The following YLPM1 variants were observed in gnomAD, a reference collection of about 807,000 sequenced individuals.
YLPM1 encodes YLP motif containing 1.
YLPM1 carries 99 observed loss-of-function variants against 230.0 expected under a neutral mutation model. The observed-to-expected ratio is 0.43, with a 90% CI of 0.37 to 0.51. YLPM1 has a LOEUF of 0.51. Among genes scored for constraint, YLPM1 ranks in the 20% least tolerant of loss-of-function variants. The pLI, the probability that YLPM1 is intolerant of heterozygous loss-of-function variation, is 0.00. For missense variants in YLPM1, 2,592 were observed against 2,707.7 expected, an observed-to-expected ratio of 0.96 and a Z score of 0.95; for synonymous variants, 984 against 942.5, an observed-to-expected ratio of 1.04 and a Z score of -0.81.
At position 74,809,530 on chromosome 14, in the gene YLPM1, C is replaced by T. The variant is rs763560223; in HGVS notation, c.4672C>T (p.Pro1558Ser). ...PPPPPPPLPP[P>S]PPVIKPQTSA... is the part of the protein sequence containing the mutation. The stretch of plus-strand genomic sequence containing the variant: ...TCCACCTCCTCCACCTCTACCTCCT[C>T]CTCCTCCAGTGATAAAGCCACAAAC... The change falls in exon 7 of 21, where the codon CCT becomes TCT. Residue 1558 changes from proline to serine, a missense_variant. Around this residue, in one of 4 missense-constraint regions of YLPM1, gnomAD observed 403 missense variants for 426.7 expected, o/e 0.94. Coordinates refer to ENST00000325680, the MANE Select transcript of YLPM1 (RefSeq NM_019589.3). The T allele has an allele frequency of 1.9e-6, 3 of 1,592,424 alleles. No homozygotes were observed. The South Asian group carries it at 3.4e-5, about 18-fold the overall frequency.
rs2091292245 is a variant in YLPM1 at position 74,798,793 on chromosome 14, A to G, written c.3496A>G (p.Arg1166Gly). The G allele has an allele frequency of 1.9e-6, 3 of 1,613,976 alleles. No homozygotes were observed. Among genetic ancestry groups the G allele is most frequent in the African/African-American group, 1.3e-5 (1 of 75,038 alleles). Reference protein sequence around the residue: ...GLGRSDFGRDRGPFRPEPGDG... With the variant: ...GLGRSDFGRDGGPFRPEPGDG... ...GGGAAGATCAGATTTTGGTCGTGAT[A>G]GAGGTCCATTCAGACCAGAACCAGG... The change falls in exon 5 of 21, where the codon AGA becomes GGA. Residue 1166 changes from arginine to glycine, a missense_variant. This residue lies in a region of YLPM1 where 1,862 missense variants were observed against 1,819.8 expected (regional missense o/e 1.02). Transcript: ENST00000325680.
intron 1 of YLPM1, among the ~76,000 whole-genome samples, chr14:74,773,627 T>C (rs1363988137): frequency 2.6e-5 from 4 of 152,022 alleles, no homozygotes; most frequent in Non-Finnish European, 4.4e-5. Flanking sequence ...GTTTTCAGTA[T>C]TAAAATAATG....
Position 74,817,042 on chromosome 14 carries a change from G to T in YLPM1, c.5797G>T (p.Ala1933Ser), listed in dbSNP as rs1188077047. 6.2e-7 allele frequency: 1 copy of T among 1,611,850 alleles called. No homozygotes were observed. Among genetic ancestry groups the T allele is most frequent in the East Asian group, 2.2e-5 (1 of 44,836 alleles). Residue 1933 changes from alanine to serine, a missense_variant, in exon 14 of 21, where the codon GCC becomes TCC. Transcript: ENST00000325680. The stretch of plus-strand genomic sequence containing the variant: ...CTTTTTTCCCTTCATCATCCTGGAT[G>T]CCATCAATGACAGAGTTAGGCATTT... ...DGFFPFIILD[A>S]INDRVRHFDQ...
Position 74,798,822 on chromosome 14 carries a change from T to C in YLPM1, c.3525T>C (p.Asp1175=), listed in dbSNP as rs1450375167. The C allele has an allele frequency of 6.2e-7, 1 of 1,613,628 alleles. No individual in the cohort carries two copies. Among genetic ancestry groups the C allele is most frequent in the Non-Finnish European group, 8.5e-7 (1 of 1,179,840 alleles). ...GTCCATTCAGACCAGAACCAGGAGA[T>C]GGTGGGGAAAAAATGTATCCATATC... is the stretch of plus-strand genomic sequence containing the variant. ...DRGPFRPEPG[D]GGEKMYPYHR... is the part of the protein sequence containing the mutation. The change falls in exon 5 of 21, where the codon GAT becomes GAC. Residue 1175 remains aspartate (D), a synonymous_variant. Transcript: ENST00000325680.
In YLPM1 at chr14:74,776,889, C is replaced by T. The variant is rs371154729; in HGVS notation, c.874-1558C>T. ...GCCTGGGCAACATGGTGAAACTTGT[C>T]TCTACAAAAAATACAAAAATTATCC... On this transcript the variant is annotated intron_variant, in intron 1 of 20. Transcript: ENST00000325680. Among the ~76,000 whole-genome samples the T allele has an allele frequency of 3.3e-5, 5 of 151,900 alleles. 1 individual carries two copies. The highest frequency in any genetic ancestry group is 1.2e-4 in the African/African-American group (5 of 41,418).
intron 4 of YLPM1, among the ~76,000 whole-genome samples, chr14:74,793,626 T>A (rs925716909): frequency 6.6e-6 from 1 of 152,220 alleles, no homozygotes; most frequent in African/African-American, 2.4e-5. Flanking sequence ...GACGTGTTCC[T>A]CAAATATCTA....
chr14:74,773,711 C>CT (rs766885242), intron 1 of YLPM1, among the ~76,000 whole-genome samples: 1,751 of 60,602 alleles, frequency 0.029, 308 homozygotes, highest in African/African-American at 0.065. Context: ...TGTTTTCTTT[C>CT]TTTTTTTTTT....
At chr14:74,777,617 A>C (rs983182528) in intron 1 of YLPM1, among the ~76,000 whole-genome samples, 1 of 152,100 alleles carries the variant, frequency 6.6e-6, no homozygotes, top group Non-Finnish European at 1.5e-5. Context: ...ATGTGTGTAC[A>C]GCATATTCTC....
chr14:74,766,525 C>A (rs985422167), intron 1 of YLPM1, among the ~76,000 whole-genome samples: 1 of 152,060 alleles, frequency 6.6e-6, no homozygotes, highest in Non-Finnish European at 1.5e-5. Flanking sequence ...CTCTGTCAGT[C>A]ACCCAGGGTG....
At position 74,810,402 on chromosome 14, in the gene YLPM1, G is replaced by T. The variant is rs1219734273; in HGVS notation, c.5210G>T (p.Arg1737Leu). The T allele has an allele frequency of 6.2e-7, 1 of 1,613,200 alleles. No individual in the cohort carries two copies. Among genetic ancestry groups the T allele is most frequent in the African/African-American group, 1.3e-5 (1 of 74,656 alleles). ...DYDRDRFDRERRPRDDRAQSY... is the reference protein window; with the variant it reads ...DYDRDRFDRELRPRDDRAQSY... ...GACCGGGATCGATTTGACAGAGAAC[G>T]CCGACCCCGAGATGATAGGTATGCT... Residue 1737 changes from arginine (R) to leucine (L), a missense_variant, in exon 9 of 21, where the codon CGC (arginine) becomes CTC (leucine). Physicochemically the swap from Arg to Leu is moderately radical, Grantham distance 102 (BLOSUM62 -2). Transcript: ENST00000325680.
At chr14:74,812,846 C>G in intron 11 of YLPM1, 64 bp downstream of exon 11, 1 of 1,510,444 alleles carries the variant, frequency 6.6e-7, no homozygotes, top group Admixed American at 2.3e-5. Context: ...TGTTAATATC[C>G]TGAAAAGAAT....
rs1024594410 is a variant in YLPM1 at position 74,773,564 on chromosome 14, A to G, written c.874-4883A>G. On this transcript the variant is annotated intron_variant, in intron 1 of 20. Coordinates refer to ENST00000325680, the MANE Select transcript of YLPM1 (RefSeq NM_019589.3). ...TTAAAAAAGGAAACTTTTAACTTCT[A>G]CTTGAAAGAGAATGTACTAATTTTT... Among the ~76,000 whole-genome samples the G allele has an allele frequency of 3.3e-5, 5 of 152,290 alleles. No homozygotes were observed. The East Asian group carries it at 9.6e-4, about 29-fold the overall frequency.
rs951679267 is a variant in YLPM1, at chr14:74,763,352, C to G, written c.-138C>G. The G allele has an allele frequency of 5.5e-6, 6 of 1,095,470 alleles. No individual in the cohort carries two copies. The East Asian group carries it at 1.9e-4, about 35-fold the overall frequency. 67.9% of individuals were successfully genotyped at this position (1,095,470 alleles called of 1,614,324 possible). On this transcript the variant is annotated 5_prime_UTR_variant, in exon 1 of 21. Transcript: ENST00000325680. ...CGGGCCCAGCTCGGGAGCGCCGGCG[C>G]ACTGGCGCGCTCCGTTTACACGCTC...
chr14:74,826,244 T>G (rs1025125074), intron 18 of YLPM1, among the ~76,000 whole-genome samples: 2 of 152,224 alleles, frequency 1.3e-5, no homozygotes, highest in Non-Finnish European at 2.9e-5. Flanking sequence ...GTGTGCATTC[T>G]TGAAAGTGCT....
chr14:74,810,160 TTA>T (rs1004077205), intron 8 of YLPM1, 63 bp from the exon 9 acceptor site: 639 of 1,554,138 alleles, frequency 4.1e-4, no homozygotes, highest in Non-Finnish European at 5.1e-4. Context: ...GAAGTTAGAT[TTA>T]TAGTTTTCTG....
chr14:74,803,108 A>ATTTTTT (rs1214425449), intron 6 of YLPM1, among the ~76,000 whole-genome samples: 1 of 152,070 alleles, frequency 6.6e-6, no homozygotes, highest in African/African-American at 2.4e-5. Context: ...AAAAAAAAAA[A>ATTTTTT]AAAGTCCTGT....
rs1177522515 is a variant in YLPM1, at chr14:74,835,777, G to A, written c.*39G>A. The A allele has an allele frequency of 4.5e-6, 2 of 440,960 alleles. No individual in the cohort carries two copies. Among genetic ancestry groups the A allele is most frequent in the East Asian group, 6.9e-5 (1 of 14,400 alleles). The allele number at this position is 440,960 out of a possible 1,614,324, so 27.3% of individuals were successfully genotyped here. On this transcript the variant is annotated splice_region_variant and 3_prime_UTR_variant, in exon 21 of 21. Transcript: ENST00000325680. The stretch of plus-strand genomic sequence containing the variant: ...ACAGCCTTTTCTTTTCTTTCCAGGT[G>A]GTTCGCTTTGAGGTGGTCTGAAGCC...
intron 4 of YLPM1, among the ~76,000 whole-genome samples, chr14:74,793,561 T>C (rs922630024): frequency 1.6e-4 from 24 of 152,246 alleles, no homozygotes; most frequent in Admixed American, 1.5e-3. Flanking sequence ...TTTTGCATTC[T>C]GTTTTCTCCA....
chr14:74,776,621 T>A (rs567644151), intron 1 of YLPM1, among the ~76,000 whole-genome samples: 2 of 152,332 alleles, frequency 1.3e-5, no homozygotes, highest in South Asian at 4.1e-4. Context: ...ATTTATAGTA[T>A]AGAGCTGGAA....
Sources: allele counts gnomAD v4.1 joint callset (sites outside exome capture counted in the v4.1 genomes callset), GRCh38; gene constraint gnomAD v4.1.1; regional missense constraint gnomAD v4.1.1; transcripts MANE v1.5; gene names NCBI Gene and HGNC (gene_info 2026-07-23, HGNC 2026-07-21).